The following NLRC5 variants were observed in gnomAD, a reference collection of about 807,000 sequenced individuals.
NLRC5 encodes protein NLRC5.
NLRC5 carries 114 observed loss-of-function variants against 206.9 expected under a neutral mutation model. That is an observed-to-expected ratio of 0.55 (90% confidence interval 0.47 to 0.64). NLRC5 has a LOEUF of 0.64. Among genes scored for constraint, NLRC5 ranks in the 30% least tolerant of loss-of-function variants. The pLI is 0.00. For synonymous variants in NLRC5, 952 were observed against 962.8 expected (o/e 0.99, Z 0.21); for missense variants, 2,008 against 2,305.5 (o/e 0.87, Z 2.64).
intron 33 of NLRC5, among the ~76,000 whole-genome samples, chr16:57,066,085 A>T (rs530924682): frequency 3.3e-5 from 5 of 152,122 alleles, no homozygotes; most frequent in Admixed American, 6.5e-5. Flanking sequence ...CTGCCCTTGG[A>T]TCCCTCTAAT....
intron 39 of NLRC5, among the ~76,000 whole-genome samples, chr16:57,075,171 G>T (rs1421745872): frequency 1.3e-5 from 2 of 151,898 alleles, no homozygotes. Flanking sequence ...CTCCTAAGCA[G>T]CTGGGACTAC....
At chr16:57,019,799 A>G (rs1372320848) in intron 2 of NLRC5, among the ~76,000 whole-genome samples, 6 of 152,204 alleles carry the variant, frequency 3.9e-5, no homozygotes, top group African/African-American at 1.2e-4. Flanking sequence ...ATGACCAGAG[A>G]ATATTTAGTA....
intron 1 of NLRC5, among the ~76,000 whole-genome samples, chr16:57,002,756 C>T (rs1299073798): frequency 5.3e-5 from 8 of 150,958 alleles, no homozygotes; most frequent in African/African-American, 1.5e-4. Context: ...ATTCTCCTGC[C>T]TCAGCCTCCC....
intron 14 of NLRC5, 69 bp from the exon 15 acceptor site, chr16:57,037,126 G>A (rs1638663383): frequency 7.9e-7 from 1 of 1,264,108 alleles, no homozygotes; most frequent in Non-Finnish European, 1.2e-6. Flanking sequence ...CCACAGGGAG[G>A]GGCTAGAGCT....
At chr16:57,080,276 A>G (rs1321434998) in intron 46 of NLRC5, among the ~76,000 whole-genome samples, 1 of 152,206 alleles carries the variant, frequency 6.6e-6, no homozygotes, top group Non-Finnish European at 1.5e-5. Context: ...GTCTCAGATC[A>G]GTGGTAATTC....
intron 24 of NLRC5, among the ~76,000 whole-genome samples, chr16:57,054,247 T>C (rs2065298575): frequency 6.6e-6 from 1 of 152,058 alleles, no homozygotes; most frequent in South Asian, 2.1e-4. Flanking sequence ...GAACATCCTA[T>C]AGGGCACAGG....
chr16:57,056,460 G>A (rs2065672671), intron 27 of NLRC5, among the ~76,000 whole-genome samples: 1 of 151,890 alleles, frequency 6.6e-6, no homozygotes, highest in Admixed American at 6.6e-5. Flanking sequence ...CTGGCTAATA[G>A]TTTAGTTTTG....
intron 3 of NLRC5, among the ~76,000 whole-genome samples, chr16:57,021,272 C>G (rs9939318): frequency 0.098 from 14,809 of 151,708 alleles, 810 homozygotes; most frequent in Middle Eastern, 0.099. Flanking sequence ...CCCACATAGC[C>G]CATAATGCCC....
At chr16:57,059,595 G>A (rs950707267) in intron 30 of NLRC5, 63 bp downstream of exon 30, 7 of 1,442,218 alleles carry the variant, frequency 4.9e-6, no homozygotes, top group Admixed American at 2.3e-5. Flanking sequence ...CCCTATGGCG[G>A]CCTCCATGGC....
At chr16:56,993,302 G>T (rs1418221489) in intron 1 of NLRC5, among the ~76,000 whole-genome samples, 1 of 151,264 alleles carries the variant, frequency 6.6e-6, no homozygotes, top group Admixed American at 6.6e-5. Flanking sequence ...TTTAAAATCT[G>T]CCCTTTCCCT....
rs192942744 is a variant in NLRC5 at position 56,989,993 on chromosome 16, A to G, written c.-128+376A>G. Among the ~76,000 whole-genome samples, 57 of 152,332 alleles carry G rather than the reference A, an allele frequency of 3.7e-4. 1 individual carries two copies. Among genetic ancestry groups the G allele is most frequent in the African/African-American group, 1.3e-3 (53 of 41,582 alleles). ...TACTTTGCAACTTTTCATTGATTTTAAAACAATTACGGAAGTTACACTGTT... is the reference window on the plus strand; with the variant it reads ...TACTTTGCAACTTTTCATTGATTTTGAAACAATTACGGAAGTTACACTGTT... On this transcript the variant is annotated intron_variant, in intron 1 of 48. Coordinates refer to ENST00000688547, the MANE Select transcript of NLRC5 (RefSeq NM_001384950.1).
At chr16:57,044,800 C>T (rs1374140101) in intron 20 of NLRC5, among the ~76,000 whole-genome samples, 1 of 151,858 alleles carries the variant, frequency 6.6e-6, no homozygotes, top group Non-Finnish European at 1.5e-5. Flanking sequence ...CATGCACCTA[C>T]TTGGGAGGCT....
At position 57,079,144 on chromosome 16, in the gene NLRC5, G is replaced by A. The variant is rs763857894; in HGVS notation, c.5165+11G>A. The A allele has an allele frequency of 6.2e-7, 1 of 1,614,118 alleles. No individual in the cohort carries two copies. The highest frequency in any genetic ancestry group is 1.1e-5 in the South Asian group (1 of 91,086). On this transcript the variant is annotated intron_variant, in intron 44 of 48. Transcript: ENST00000688547. Reference sequence around the variant, plus strand: ...TTTGGAAGAGATCAGGTAAGTAGGGGCTGCCCAGCCCAGGCACGGGGACAG... The same window carrying A: ...TTTGGAAGAGATCAGGTAAGTAGGGACTGCCCAGCCCAGGCACGGGGACAG...
At chr16:57,076,623 T>C (rs1030301976) in intron 39 of NLRC5, among the ~76,000 whole-genome samples, 196 bp from the exon 40 acceptor site, 3 of 152,202 alleles carry the variant, frequency 2.0e-5, no homozygotes, top group African/African-American at 7.2e-5. Context: ...CTCTCAAGTT[T>C]TCTCACCTGG....
intron 17 of NLRC5, 195 bp from the exon 18 acceptor site, chr16:57,041,290 T>A: frequency 1.8e-6 from 1 of 559,040 alleles, no homozygotes. Context: ...GCCCACCCTC[T>A]GCCTATATGT....
rs779922547 is a variant in NLRC5 at position 57,045,474 on chromosome 16, G to T, written c.3230G>T (p.Arg1077Ile). ...TTTGAAAGCCAACACATCCTCCTGA[G>T]AGGGGACAAGACAAGCAGGTGAGGA... ...ISFESQHILL[R>I]GDKTSRDMWA... Residue 1077 changes from arginine (R) to isoleucine (I), a missense_variant, in exon 21 of 49, where the codon AGA (arginine) becomes ATA (isoleucine). Transcript: ENST00000688547. The T allele has an allele frequency of 1.2e-6, 2 of 1,614,100 alleles. No homozygotes were observed. The highest frequency in any genetic ancestry group is 1.7e-6 in the Non-Finnish European group (2 of 1,180,028).
chr16:57,079,073 C>A lies in NLRC5; in HGVS notation c.5105C>A (p.Pro1702Gln), dbSNP rs2068795063. ...VLHLPFSHLG[P>Q]GGALSLAQAL... ...AGCCTACCATTCAGCCATCTGGGCC[C>A]AGGTGGGGCCCTGAGCCTGGCCCAG... The change falls in exon 44 of 49, where the codon CCA (proline) becomes CAA (glutamine). Residue 1702 changes from proline (P) to glutamine (Q), a missense_variant. By Grantham distance (76) the Pro-to-Gln change is moderately conservative. Transcript: ENST00000688547. The A allele has an allele frequency of 6.2e-7, 1 of 1,614,156 alleles. No individual in the cohort carries two copies. The highest frequency in any genetic ancestry group is 8.5e-7 in the Non-Finnish European group (1 of 1,180,004).
At chr16:57,029,299 C>T (rs1597243860) in intron 8 of NLRC5, among the ~76,000 whole-genome samples, 1 of 152,344 alleles carries the variant, frequency 6.6e-6, no homozygotes, top group East Asian at 1.9e-4. Flanking sequence ...CCAGGCAAGG[C>T]TGGCTTGTGA....
Position 57,030,095 on chromosome 16 carries a change from G to A in NLRC5, c.2417+11G>A. 2 of 1,611,402 alleles carry A rather than the reference G, an allele frequency of 1.2e-6. No homozygotes were observed. Among genetic ancestry groups the A allele is most frequent in the South Asian group, 2.2e-5 (2 of 91,012 alleles). The stretch of plus-strand genomic sequence containing the variant: ...GATGCTTCAGGCCAGGTGAGCAGAA[G>A]GAAAGGGATCTTGGCCTTATGGGCC... On this transcript the variant is annotated intron_variant, in intron 10 of 48. Transcript: ENST00000688547.
Sources: gnomAD v4.1 joint callset for allele counts (sites outside exome capture counted in the v4.1 genomes callset) on GRCh38, gnomAD v4.1.1 for gene constraint, MANE v1.5 for transcripts, NCBI Gene and HGNC (gene_info 2026-07-23, HGNC 2026-07-21) for gene names.